The following CAMTA1 variants were observed in gnomAD, a reference collection of about 807,000 sequenced individuals.
CAMTA1 encodes the protein calmodulin-binding transcription activator 1.
A neutral mutation model predicts 170.9 loss-of-function variants in CAMTA1; 27 were observed. The ratio of observed to expected loss-of-function variants is 0.16; its 90% confidence interval spans 0.12 to 0.22. The LOEUF (loss-of-function observed/expected upper bound fraction) is 0.22. CAMTA1 is among the 10% of genes least tolerant of loss of function. The pLI is 1.00. For missense variants in CAMTA1, 1,619 were observed against 2,217.2 expected, an observed-to-expected ratio of 0.73 and a Z score of 5.42; for synonymous variants, 833 against 891.5, an observed-to-expected ratio of 0.93 and a Z score of 1.17.
chr1:7,110,546 C>T lies in CAMTA1; in HGVS notation c.302+19175C>T, dbSNP rs139573037. On this transcript the variant is annotated intron_variant, in intron 4 of 22. Transcript: ENST00000303635. ...TGCGATGAATTATTCAGCCCTGCTA[C>T]GGGGGAGAGTGAGTGCTCCTCCTGT... Among the ~76,000 whole-genome samples the T allele has an allele frequency of 1.1e-3, 165 of 152,338 alleles. 1 individual carries two copies. In the East Asian group the frequency reaches 0.028, roughly 25 times the overall value.
chr1:7,213,670 CATATGT>C (rs1397926731), intron 4 of CAMTA1, among the ~76,000 whole-genome samples: 1 of 151,668 alleles, frequency 6.6e-6, no homozygotes, highest in Admixed American at 6.6e-5. Flanking sequence ...AGGTTAGTTA[CATATGT>C]ATACATGTGC....
At chr1:7,272,692 C>CCAAAAA (rs1669986461) in intron 5 of CAMTA1, among the ~76,000 whole-genome samples, 1 of 38,804 alleles carries the variant, frequency 2.6e-5, no homozygotes, top group Non-Finnish European at 4.6e-5. Context: ...TAAACACATG[C>CCAAAAA]AAAAAAAAAA....
rs551944476 is a variant in CAMTA1, at chr1:7,423,268, C to T, written c.439-44562C>T. On this transcript the variant is annotated intron_variant, in intron 5 of 22. Coordinates refer to ENST00000303635, the MANE Select transcript of CAMTA1 (RefSeq NM_015215.4). Reference sequence around the variant, plus strand: ...GGTGGATCACCAGAGGTCAGGAGCTCGAGACTAGCCTGGCCAACATAGCGA... The same window carrying T: ...GGTGGATCACCAGAGGTCAGGAGCTTGAGACTAGCCTGGCCAACATAGCGA... 2.4e-4 allele frequency among the ~76,000 whole-genome samples: 36 copies of T among 152,220 alleles called. No homozygotes were observed. The Middle Eastern group carries it at 0.014, about 58-fold the overall frequency.
chr1:7,398,154 G>GCTCTCTCTCTCTCTCT (rs371668581), intron 5 of CAMTA1, among the ~76,000 whole-genome samples: 6 of 26,274 alleles, frequency 2.3e-4, no homozygotes, highest in Non-Finnish European at 2.4e-4. Context: ...TAATAATATT[G>GCTCTCTCTCTCTCTCT]CTCTCTCTCT....
At chr1:6,880,436 C>T (rs979089050) in intron 3 of CAMTA1, among the ~76,000 whole-genome samples, 4 of 124,392 alleles carry the variant, frequency 3.2e-5, no homozygotes, top group African/African-American at 1.2e-4. Context: ...GTTGCCTAGG[C>T]TGGAGTGCAA....
chr1:7,468,211 C>T (rs1220438090), intron 6 of CAMTA1, among the ~76,000 whole-genome samples: 4 of 152,190 alleles, frequency 2.6e-5, no homozygotes, highest in African/African-American at 7.2e-5. Context: ...GAAAGAAGGC[C>T]GAGTATCCTG....
intron 16 of CAMTA1, among the ~76,000 whole-genome samples, chr1:7,741,107 T>G (rs2032562): frequency 0.68 from 102,969 of 152,044 alleles, 35,288 homozygotes; most frequent in Admixed American, 0.77. Context: ...ATGTTTAAAC[T>G]ATCTCCTAGA....
intron 3 of CAMTA1, among the ~76,000 whole-genome samples, chr1:6,911,089 AC>A (rs1221657008): frequency 6.6e-6 from 1 of 152,174 alleles, no homozygotes; most frequent in African/African-American, 2.4e-5. Flanking sequence ...CCCTGTGCCT[AC>A]CACTCCTGGC....
chr1:7,599,084 A>G lies in CAMTA1; in HGVS notation c.511-41316A>G, dbSNP rs545486465. 8.5e-5 allele frequency among the ~76,000 whole-genome samples: 13 copies of G among 152,312 alleles called. 1 individual carries two copies. The highest frequency in any genetic ancestry group is 3.4e-3 in the Middle Eastern group (1 of 294). On this transcript the variant is annotated intron_variant, in intron 6 of 22. Transcript: ENST00000303635. ...TTTTATGGTTTTTGGTCTAACATTTAAATCTTTAATCCATCCTGAATTAAT... is the reference window on the plus strand; with the variant it reads ...TTTTATGGTTTTTGGTCTAACATTTGAATCTTTAATCCATCCTGAATTAAT...
chr1:7,625,241 G>A (rs193032520), intron 6 of CAMTA1, among the ~76,000 whole-genome samples: 2 of 152,384 alleles, frequency 1.3e-5, no homozygotes, highest in African/African-American at 4.8e-5. Context: ...CTGATGCCAA[G>A]GAGCATGGGG....
intron 6 of CAMTA1, among the ~76,000 whole-genome samples, chr1:7,511,248 C>T (rs1484362735): frequency 2.1e-5 from 3 of 145,274 alleles, no homozygotes; most frequent in Admixed American, 6.9e-5. Flanking sequence ...CTTCAGACTT[C>T]GAATCAGAAA....
At chr1:7,003,536 T>C (rs769655165) in intron 3 of CAMTA1, among the ~76,000 whole-genome samples, 7 of 152,204 alleles carry the variant, frequency 4.6e-5, no homozygotes. Context: ...GAGGTGCTGA[T>C]GGAATCCCAG....
intron 5 of CAMTA1, among the ~76,000 whole-genome samples, chr1:7,350,601 G>A (rs1574856839): frequency 6.6e-6 from 1 of 152,164 alleles, no homozygotes; most frequent in African/African-American, 2.4e-5. Flanking sequence ...AGTTCCAACT[G>A]TTAGAAAATT....
intron 5 of CAMTA1, among the ~76,000 whole-genome samples, chr1:7,296,018 A>G (rs1437153552): frequency 1.3e-5 from 2 of 152,182 alleles, no homozygotes; most frequent in African/African-American, 2.4e-5. Flanking sequence ...ATCCACTTCT[A>G]AACTCGATCA....
intron 6 of CAMTA1, among the ~76,000 whole-genome samples, chr1:7,533,846 A>G (rs1405435749): frequency 3.9e-5 from 6 of 152,024 alleles, no homozygotes; most frequent in African/African-American, 1.4e-4. Context: ...CCTGGGAGGC[A>G]GAGGTTGCAG....
At position 7,561,982 on chromosome 1, in the gene CAMTA1, C is replaced by T. The variant is rs2094962911; in HGVS notation, c.511-78418C>T. Among the ~76,000 whole-genome samples the T allele has an allele frequency of 2.6e-5, 4 of 152,214 alleles. No homozygotes were observed. In the South Asian group the frequency reaches 6.2e-4, roughly 24 times the overall value. ...CTGTGTTCCAGGTCAGAAGAGCAAA[C>T]GCAGTCTCCAGAGAGATCATGAGGC... On this transcript the variant is annotated intron_variant, in intron 6 of 22. Transcript: ENST00000303635. This position sits in a 1 kb window ranked among gnomAD's most constrained non-coding sequence, Gnocchi z 5.3.
chr1:7,334,270 C>T (rs2083213421), intron 5 of CAMTA1, among the ~76,000 whole-genome samples: 1 of 152,162 alleles, frequency 6.6e-6, no homozygotes. Context: ...CAGAGGAGCC[C>T]TTGACTAGTT....
intron 1 of CAMTA1, among the ~76,000 whole-genome samples, chr1:6,798,430 ATTAT>A (rs934402610): frequency 6.6e-5 from 10 of 152,140 alleles, no homozygotes; most frequent in African/African-American, 2.2e-4. Context: ...TAGCATCAGA[ATTAT>A]TTATTTATTT....
At position 7,590,261 on chromosome 1, in the gene CAMTA1, C is replaced by T. The variant is rs746810228; in HGVS notation, c.511-50139C>T. ...TCAAGGCCCTGCTGCTGCTATGAGTCCCTGGCCAGGGCTGATCCTGAGCCT... is the reference window on the plus strand; with the variant it reads ...TCAAGGCCCTGCTGCTGCTATGAGTTCCTGGCCAGGGCTGATCCTGAGCCT... On this transcript the variant is annotated intron_variant, in intron 6 of 22. Transcript: ENST00000303635. Among the ~76,000 whole-genome samples, 3 of 152,180 alleles carry T rather than the reference C, an allele frequency of 2.0e-5. No homozygotes were observed. In the South Asian group the frequency reaches 6.2e-4, roughly 31 times the overall value.
Sources: gnomAD v4.1 joint callset for allele counts (sites outside exome capture counted in the v4.1 genomes callset) on GRCh38, gnomAD v4.1.1 for gene constraint, Gnocchi (gnomAD v3.1) non-coding constraint, MANE v1.5 for transcripts, NCBI Gene and HGNC (gene_info 2026-07-23, HGNC 2026-07-21) for gene names.